The following VIPR2 variants were observed in gnomAD, a reference collection of about 807,000 sequenced individuals.
VIPR2 encodes the protein vasoactive intestinal peptide receptor 2.
A neutral mutation model predicts 58.0 loss-of-function variants in VIPR2; 48 were observed. That is an observed-to-expected ratio of 0.83 (90% CI 0.66 to 1.05). The LOEUF (loss-of-function observed/expected upper bound fraction) is 1.05, where lower values mean the gene tolerates loss of function less well. Ranked by LOEUF, VIPR2 falls within the 50% of genes least tolerant of loss-of-function variation. VIPR2 has a pLI of 0.00. For synonymous variants in VIPR2, 243 were observed against 235.2 expected, an observed-to-expected ratio of 1.03 and a Z score of -0.30; for missense variants, 534 against 558.0, an observed-to-expected ratio of 0.96 and a Z score of 0.43.
Position 159,091,939 on chromosome 7 carries a change from A to G in VIPR2, c.357+11818T>C, listed in dbSNP as rs1372262488. Among the ~76,000 whole-genome samples the G allele has an allele frequency of 4.6e-5, 7 of 152,208 alleles. No homozygotes were observed. In the East Asian group the frequency reaches 1.2e-3, roughly 25 times the overall value. On this transcript the variant is annotated intron_variant, in intron 4 of 12. Transcript: ENST00000262178. ...GGCCAGGAGTCTCTACTAAAAATAC[A>G]AAAATTGGCCAGGCTGGTGGCGCAC... is the stretch of plus-strand genomic sequence containing the variant.
At chr7:159,048,399 A>G (rs1472095685) in intron 5 of VIPR2, among the ~76,000 whole-genome samples, 1 of 152,210 alleles carries the variant, frequency 6.6e-6, no homozygotes, top group Non-Finnish European at 1.5e-5. Context: ...GACTTGCTGG[A>G]GAGCTTTTAT....
At chr7:159,039,749 C>T (rs978989396) in intron 6 of VIPR2, among the ~76,000 whole-genome samples, 1 of 152,214 alleles carries the variant, frequency 6.6e-6, no homozygotes, top group Non-Finnish European at 1.5e-5. Context: ...TAAATGTCTG[C>T]GACAGGAGCA....
Position 159,097,591 on chromosome 7 carries a change from C to T in VIPR2, c.357+6166G>A, listed in dbSNP as rs1857938816. Among the ~76,000 whole-genome samples, 1 of 152,190 alleles carries T rather than the reference C, an allele frequency of 6.6e-6. No homozygotes were observed. Among genetic ancestry groups the T allele is most frequent in the South Asian group, 2.1e-4 (1 of 4,830 alleles). ...CCTGACTCAAGGAGGGAGGCCCCCA[C>T]TCTGTGCTCTTTCATCAGTGCCCAA... is the stretch of plus-strand genomic sequence containing the variant. On this transcript the variant is annotated intron_variant, in intron 4 of 12. Transcript: ENST00000262178. This position sits in a 1 kb window ranked among gnomAD's most constrained non-coding sequence, Gnocchi z 5.3.
intron 6 of VIPR2, among the ~76,000 whole-genome samples, chr7:159,038,072 ATATATATGGGTGGATACACT>A (rs1426243303): frequency 1.3e-5 from 2 of 152,138 alleles, no homozygotes; most frequent in Non-Finnish European, 2.9e-5. Context: ...GGGTATACTT[ATATATATGGGTGGATACACT>A]TATATATGGG....
In VIPR2 at chr7:159,029,315, G is replaced by A. The variant is rs1853405362; in HGVS notation, c.*1301C>T. The A allele has an allele frequency of 6.6e-6, 1 of 152,272 alleles. No homozygotes were observed. Among genetic ancestry groups the A allele is most frequent in the African/African-American group, 2.4e-5 (1 of 41,422 alleles). 9.4% of individuals were successfully genotyped at this position (152,272 alleles called of 1,614,324 possible). On this transcript the variant is annotated 3_prime_UTR_variant, in exon 13 of 13. Coordinates refer to ENST00000262178, the MANE Select transcript of VIPR2 (RefSeq NM_003382.5). ...GTCCATCGAGCGCTGTGGGGGCCAG[G>A]GCTTGGCACACACATGGAGACTGTG... is the stretch of plus-strand genomic sequence containing the variant.
chr7:159,030,683 C>T lies in VIPR2; in HGVS notation c.1250G>A (p.Gly417Asp). Residue 417 changes from glycine to aspartate, a missense_variant, in exon 13 of 13, where the codon GGC (glycine) becomes GAC (aspartate). By Grantham distance (94) the Gly-to-Asp change is moderately conservative. Around this residue, in one of 3 missense-constraint regions of VIPR2, gnomAD observed 306 missense variants for 285.8 expected, o/e 1.07. Coordinates refer to ENST00000262178, the MANE Select transcript of VIPR2 (RefSeq NM_003382.5). Reference protein sequence around the residue: ...GSSFSRNGSEGALQFHRGSRA... With the variant: ...GSSFSRNGSEDALQFHRGSRA... ...GGAGCCGCGGTGGAACTGCAGGGCG[C>T]CCTCCGAGCCGTTGCGGGAGAAGGA... 1 of 1,571,770 alleles carries T rather than the reference C, an allele frequency of 6.4e-7. No homozygotes were observed. The highest frequency in any genetic ancestry group is 8.6e-7 in the Non-Finnish European group (1 of 1,160,106).
chr7:159,089,923 G>C (rs956486096), intron 4 of VIPR2, among the ~76,000 whole-genome samples: 1 of 152,242 alleles, frequency 6.6e-6, no homozygotes, highest in African/African-American at 2.4e-5. Context: ...AGCAAATCAG[G>C]ACTTAAAAAA....
intron 9 of VIPR2, 48 bp from the exon 10 acceptor site, chr7:159,034,352 T>C (rs1216794103): frequency 9.4e-6 from 15 of 1,592,092 alleles, no homozygotes; most frequent in Non-Finnish European, 1.1e-5. Context: ...GGATCCCTAA[T>C]TTGCCCTGAA....
chr7:159,106,474 A>G (rs7385647), intron 3 of VIPR2, among the ~76,000 whole-genome samples: 1,525 of 42,860 alleles, frequency 0.036, 24 homozygotes, highest in African/African-American at 0.096. Context: ...AGAGGCCAGG[A>G]AGGGGCAGAG....
intron 2 of VIPR2, among the ~76,000 whole-genome samples, chr7:159,140,635 G>A (rs1195816432): frequency 6.6e-6 from 1 of 152,324 alleles, no homozygotes; most frequent in African/African-American, 2.4e-5. Context: ...ACACCTTGTC[G>A]CTGCAAGAAA....
At chr7:159,137,428 G>T (rs1395192298) in intron 2 of VIPR2, among the ~76,000 whole-genome samples, 5 of 152,228 alleles carry the variant, frequency 3.3e-5, no homozygotes, top group Admixed American at 2.6e-4. Flanking sequence ...TGTCCAGGCT[G>T]GAGTGCAGTG....
At position 159,099,771 on chromosome 7, in the gene VIPR2, C is replaced by G. The variant is rs1858094112; in HGVS notation, c.357+3986G>C. Among the ~76,000 whole-genome samples the G allele has an allele frequency of 6.6e-6, 1 of 152,124 alleles. No individual in the cohort carries two copies. The highest frequency in any genetic ancestry group is 2.4e-5 in the African/African-American group (1 of 41,398). On this transcript the variant is annotated intron_variant, in intron 4 of 12. Coordinates refer to ENST00000262178, the MANE Select transcript of VIPR2 (RefSeq NM_003382.5). The surrounding 1 kb of genome is among the most constrained non-coding windows in gnomAD (Gnocchi z 4.2). ...GGATCCCACCTGGACCTTGAAATCC[C>G]CCCCAGGCCACAGAAGCCCCTGAGA...
intron 4 of VIPR2, among the ~76,000 whole-genome samples, chr7:159,089,590 A>G (rs1444620321): frequency 6.6e-6 from 1 of 152,252 alleles, no homozygotes; most frequent in Non-Finnish European, 1.5e-5. Flanking sequence ...ATTATAACTA[A>G]TATTATTAGC....
Position 159,097,042 on chromosome 7 carries a change from G to T in VIPR2, c.357+6715C>A, listed in dbSNP as rs1458918885. The T allele has an allele frequency of 1.3e-6, 2 of 1,549,218 alleles. No individual in the cohort carries two copies. Among genetic ancestry groups the T allele is most frequent in the Non-Finnish European group, 1.7e-6 (2 of 1,146,164 alleles). ...TGATTTGGGGCAGGCCGCTCTGGGG[G>T]TCTCTGGCAGGCTCCTCCTGGCACC... On this transcript the variant is annotated intron_variant, in intron 4 of 12. Transcript: ENST00000262178. The surrounding 1 kb of genome is among the most constrained non-coding windows in gnomAD (Gnocchi z 5.3).
intron 5 of VIPR2, among the ~76,000 whole-genome samples, chr7:159,044,807 C>T (rs140095096): frequency 9.5e-4 from 145 of 151,948 alleles, no homozygotes; most frequent in African/African-American, 3.3e-3. Flanking sequence ...ATTCTGTCAC[C>T]CAGGCTGGAG....
intron 2 of VIPR2, among the ~76,000 whole-genome samples, chr7:159,119,870 C>T (rs899694598): frequency 1.3e-5 from 2 of 150,990 alleles, no homozygotes; most frequent in Non-Finnish European, 2.9e-5. Flanking sequence ...ATGCACGAAG[C>T]CTGGTAGGTG....
rs78940854 is a variant in VIPR2 at position 159,031,283 on chromosome 7, T to C, written c.1144-494A>G. On this transcript the variant is annotated intron_variant, in intron 12 of 12. Transcript: ENST00000262178. The surrounding 1 kb of genome is among the most constrained non-coding windows in gnomAD (Gnocchi z 4.0). The stretch of plus-strand genomic sequence containing the variant: ...AGAAGCCGTGCTGGTGAAAGCTGCA[T>C]GTCAAGCAAAGAAAGCGCCAGCAAC... 6.6e-6 allele frequency among the ~76,000 whole-genome samples: 1 copy of C among 151,080 alleles called. No homozygotes were observed. The highest frequency in any genetic ancestry group is 1.5e-5 in the Non-Finnish European group (1 of 67,832).
At chr7:159,069,341 C>G (rs114802875) in intron 4 of VIPR2, among the ~76,000 whole-genome samples, 3,211 of 152,242 alleles carry the variant, frequency 0.021, 107 homozygotes, top group African/African-American at 0.073. Flanking sequence ...CTGGAACCCA[C>G]GTGCAGTCTG....
chr7:159,065,849 T>C (rs1856049313), intron 4 of VIPR2, among the ~76,000 whole-genome samples: 1 of 152,040 alleles, frequency 6.6e-6, no homozygotes. Context: ...TACAGAGTGC[T>C]CAGGGCTGAC....
Sources: allele counts gnomAD v4.1 joint callset (sites outside exome capture counted in the v4.1 genomes callset), GRCh38; gene constraint gnomAD v4.1.1; regional missense constraint gnomAD v4.1.1; non-coding constraint Gnocchi (gnomAD v3.1); transcripts MANE v1.5; gene names NCBI Gene and HGNC (gene_info 2026-07-23, HGNC 2026-07-21).